Variants in EPB41L4B observed in about 807,000 individuals in gnomAD.
EPB41L4B encodes band 4.1-like protein 4B.
Under a neutral mutation model 112.5 loss-of-function variants are expected in EPB41L4B, and 30 were observed. That is an observed-to-expected ratio of 0.27 (90% CI 0.20 to 0.36). EPB41L4B has a LOEUF of 0.36. EPB41L4B is among the 10% of genes least tolerant of loss of function. The pLI, the probability that EPB41L4B is intolerant of heterozygous loss-of-function variation, is 1.00. For missense variants in EPB41L4B, 1,024 were observed against 1,133.3 expected (o/e 0.90, Z 1.38); for synonymous variants, 408 against 439.7 (o/e 0.93, Z 0.90).
intron 15 of EPB41L4B, among the ~76,000 whole-genome samples, chr9:109,227,012 A>AT (rs1351303950): frequency 6.0e-5 from 9 of 150,308 alleles, no homozygotes; most frequent in East Asian, 3.9e-4. Context: ...CTAATTTTTC[A>AT]TTTTTTTTAT....
chr9:109,318,804 A>G (rs577169027), intron 1 of EPB41L4B, among the ~76,000 whole-genome samples: 4 of 152,214 alleles, frequency 2.6e-5, no homozygotes, highest in Non-Finnish European at 5.9e-5. Context: ...GGGTATTTTC[A>G]TAGCAAAATG....
At chr9:109,175,543 A>G (rs1398808698) in intron 25 of EPB41L4B, among the ~76,000 whole-genome samples, 1 of 148,096 alleles carries the variant, frequency 6.8e-6, no homozygotes, top group Non-Finnish European at 1.5e-5. Context: ...CATTGTTTTT[A>G]GTTAGAGATG....
intron 1 of EPB41L4B, chr9:109,307,371 A>C: frequency 2.7e-6 from 1 of 368,062 alleles, no homozygotes; most frequent in Non-Finnish European, 5.3e-6. Context: ...CCGACCTTAA[A>C]TTTCCTGCTC....
intron 12 of EPB41L4B, among the ~76,000 whole-genome samples, chr9:109,251,917 T>C (rs1210958296): frequency 6.6e-6 from 1 of 152,220 alleles, no homozygotes; most frequent in African/African-American, 2.4e-5. Flanking sequence ...AGGGCCTGCA[T>C]GGACAGAGCC....
chr9:109,239,679 T>G (rs779721267), intron 15 of EPB41L4B: 3 of 229,864 alleles, frequency 1.3e-5, no homozygotes, highest in Non-Finnish European at 2.2e-5. Flanking sequence ...ATCATAAGTA[T>G]GCATACTGGT....
chr9:109,298,946 A>C (rs998831168), intron 1 of EPB41L4B, among the ~76,000 whole-genome samples: 7 of 152,178 alleles, frequency 4.6e-5, no homozygotes, highest in Admixed American at 2.0e-4. Context: ...TGAACCCCCC[A>C]CAGTCCCTAT....
In EPB41L4B at chr9:109,189,929, TTTTTC is replaced by T. The variant is rs371898674; in HGVS notation, c.2301+2344_2301+2348del. ...CAGGAATAATACCACCATGCCCAGC[TTTTTC>T]TTTTCTTTTCTTTTCTTTTGAGATG... is the stretch of plus-strand genomic sequence containing the variant. On this transcript the variant is annotated intron_variant, in intron 22 of 25. Transcript: ENST00000374566. Among the ~76,000 whole-genome samples, 669 of 150,462 alleles carry T rather than the reference TTTTTC, an allele frequency of 4.4e-3. 5 individuals carry two copies. The highest frequency in any genetic ancestry group is 0.016 in the African/African-American group (635 of 40,782).
At chr9:109,260,787 A>T (rs1835173013) in intron 6 of EPB41L4B, among the ~76,000 whole-genome samples, 1 of 152,200 alleles carries the variant, frequency 6.6e-6, no homozygotes, top group African/African-American at 2.4e-5. Flanking sequence ...GAACGGTCAC[A>T]GAGAACTGAC....
chr9:109,226,814 CATATATATATGAAGAAT>C (rs1833798493), intron 15 of EPB41L4B, among the ~76,000 whole-genome samples: 6 of 144,438 alleles, frequency 4.2e-5, no homozygotes, highest in Non-Finnish European at 9.0e-5. Flanking sequence ...ATATGAAGAA[CATATATATATGAAGAAT>C]ATATATATAT....
chr9:109,185,706 G>C (rs1426956924), intron 22 of EPB41L4B, 101 bp from the exon 23 acceptor site: 2 of 855,456 alleles, frequency 2.3e-6, no homozygotes, highest in Non-Finnish European at 3.5e-6. Flanking sequence ...ACAGCACAGT[G>C]CAAGACAGAT....
intron 1 of EPB41L4B, among the ~76,000 whole-genome samples, chr9:109,308,198 C>G (rs1372835743): frequency 2.6e-5 from 4 of 151,942 alleles, no homozygotes; most frequent in African/African-American, 9.7e-5. Context: ...GTGAAGGGGA[C>G]CCAAGCAGGA....
At chr9:109,246,209 G>A (rs767150351) in intron 14 of EPB41L4B, among the ~76,000 whole-genome samples, 1 of 152,084 alleles carries the variant, frequency 6.6e-6, no homozygotes, top group African/African-American at 2.4e-5. Context: ...TGAGACCAGC[G>A]TGGCCAACAT....
At chr9:109,246,263 G>T (rs562603133) in intron 14 of EPB41L4B, among the ~76,000 whole-genome samples, 1 of 152,140 alleles carries the variant, frequency 6.6e-6, no homozygotes, top group Non-Finnish European at 1.5e-5. Context: ...TTAGCCGGGC[G>T]TGGTGGCATA....
intron 1 of EPB41L4B, among the ~76,000 whole-genome samples, chr9:109,287,927 G>A (rs747364526): frequency 4.4e-4 from 67 of 152,258 alleles, no homozygotes; most frequent in Non-Finnish European, 6.9e-4. Flanking sequence ...GGCCAGCTTC[G>A]GGAAGGCCTC....
intron 15 of EPB41L4B, among the ~76,000 whole-genome samples, chr9:109,236,492 A>G (rs1834147941): frequency 1.3e-5 from 2 of 152,130 alleles, no homozygotes; most frequent in African/African-American, 4.8e-5. Flanking sequence ...ACACAAGCAG[A>G]TAAGTAGCTT....
intron 13 of EPB41L4B, among the ~76,000 whole-genome samples, chr9:109,249,334 C>T (rs1044125654): frequency 6.6e-6 from 1 of 151,928 alleles, no homozygotes; most frequent in Non-Finnish European, 1.5e-5. Context: ...TGCTATTTTT[C>T]TAGTAGTACC....
chr9:109,255,900 C>G, intron 9 of EPB41L4B, 57 bp from the exon 10 acceptor site: 1 of 1,454,238 alleles, frequency 6.9e-7, no homozygotes, highest in South Asian at 1.2e-5. Context: ...ATCTACACAT[C>G]AAATAGCAGT....
chr9:109,275,370 C>T (rs1835775933), intron 2 of EPB41L4B, among the ~76,000 whole-genome samples: 1 of 152,210 alleles, frequency 6.6e-6, no homozygotes, highest in African/African-American at 2.4e-5. Flanking sequence ...CTTCCGGGTC[C>T]ATCTATTACC....
chr9:109,234,308 T>C (rs537383645), intron 15 of EPB41L4B, among the ~76,000 whole-genome samples: 17 of 152,306 alleles, frequency 1.1e-4, no homozygotes, highest in South Asian at 4.2e-4. Context: ...ATTCTACAGA[T>C]AGATTTGTTC....
Sources: allele counts gnomAD v4.1 joint callset (sites outside exome capture counted in the v4.1 genomes callset), GRCh38; gene constraint gnomAD v4.1.1; transcripts MANE v1.5; gene names NCBI Gene and HGNC (gene_info 2026-07-23, HGNC 2026-07-21).